The following SRGAP3 variants were observed in gnomAD, a reference collection of about 807,000 sequenced individuals.
The protein encoded by SRGAP3 is SLIT-ROBO Rho GTPase activating protein 3, also known as SLIT-ROBO Rho GTPase-activating protein 3.
A neutral mutation model predicts 121.1 loss-of-function variants in SRGAP3; 39 were observed. The ratio of observed to expected loss-of-function variants is 0.32; its 90% CI spans 0.25 to 0.42. SRGAP3 has a LOEUF of 0.42. SRGAP3 is among the 10% of genes least tolerant of loss of function. The pLI is 1.00. For synonymous variants in SRGAP3, 601 were observed against 570.0 expected (o/e 1.05, Z -0.77); for missense variants, 1,213 against 1,470.6 (o/e 0.82, Z 2.86).
intron 4 of SRGAP3, among the ~76,000 whole-genome samples, chr3:9,077,107 C>T (rs1947006954): frequency 6.6e-6 from 1 of 151,566 alleles, no homozygotes; most frequent in South Asian, 2.1e-4. Context: ...TGCTATCGCT[C>T]CCCCAGTCCC....
At chr3:9,224,492 C>T (rs914475900) in intron 1 of SRGAP3, among the ~76,000 whole-genome samples, 9 of 152,246 alleles carry the variant, frequency 5.9e-5, no homozygotes, top group South Asian at 4.1e-4. Flanking sequence ...TTCCAAATGT[C>T]GAGTAATCGT....
chr3:9,157,424 G>A lies in SRGAP3; in HGVS notation c.68-32507C>T, dbSNP rs942980321. Among the ~76,000 whole-genome samples, 11 of 152,260 alleles carry A rather than the reference G, an allele frequency of 7.2e-5. No homozygotes were observed. In the East Asian group the frequency reaches 1.5e-3, roughly 21 times the overall value. The stretch of plus-strand genomic sequence containing the variant: ...CAATTCCACGTGAGATTAGGGTGGG[G>A]ACACAGAGCCAAACCATATCAAATA... On this transcript the variant is annotated intron_variant, in intron 1 of 21. Coordinates refer to ENST00000383836, the MANE Select transcript of SRGAP3 (RefSeq NM_014850.4).
rs1941626344 is a variant in SRGAP3, at chr3:8,985,389, A to G, written c.*130T>C. The G allele has an allele frequency of 4.7e-6, 7 of 1,484,816 alleles. No homozygotes were observed. The East Asian group carries it at 1.7e-4, about 36-fold the overall frequency. 92.0% of individuals were successfully genotyped at this position (1,484,816 alleles called of 1,614,324 possible). Reference sequence around the variant, plus strand: ...CAGCGCCCGGGCCTCAGCTCTGCACAGACACACCCTCCCAGACGGACCTCT... The same window carrying G: ...CAGCGCCCGGGCCTCAGCTCTGCACGGACACACCCTCCCAGACGGACCTCT... On this transcript the variant is annotated 3_prime_UTR_variant, in exon 22 of 22. Transcript: ENST00000383836. This position sits in a 1 kb window ranked among gnomAD's most constrained non-coding sequence, Gnocchi z 5.1.
chr3:9,315,202 G>A (rs1955323907), intron 3 of SRGAP3, among the ~76,000 whole-genome samples: 2 of 152,184 alleles, frequency 1.3e-5, no homozygotes, highest in African/African-American at 4.8e-5. Context: ...ACCTCTGCCA[G>A]CAGCTTAAGG....
At chr3:9,262,963 AAT>A (rs1173708628) in intron 3 of SRGAP3, among the ~76,000 whole-genome samples, 2 of 152,154 alleles carry the variant, frequency 1.3e-5, no homozygotes, top group African/African-American at 4.8e-5. Context: ...TTGACCACAT[AAT>A]TGGAAGTAAA....
At chr3:9,342,485 CG>C (rs749658651) in intron 1 of SRGAP3, among the ~76,000 whole-genome samples, 37 of 152,208 alleles carry the variant, frequency 2.4e-4, no homozygotes, top group Admixed American at 7.2e-4. Context: ...CAAGTGTCAC[CG>C]GAACTTTTCA....
chr3:9,357,610 AAAG>A (rs2030589489), intron 1 of SRGAP3, among the ~76,000 whole-genome samples: 1 of 152,048 alleles, frequency 6.6e-6, no homozygotes, highest in African/African-American at 2.4e-5. Flanking sequence ...AAAAAAAAAA[AAAG>A]AGTATAAAAT....
At chr3:9,078,903 G>A (rs1477728761) in intron 4 of SRGAP3, among the ~76,000 whole-genome samples, 1 of 152,058 alleles carries the variant, frequency 6.6e-6, no homozygotes, top group Non-Finnish European at 1.5e-5. Context: ...TTACTGATTG[G>A]GAGACTGAGG....
At chr3:9,152,387 T>TTC (rs940418470) in intron 1 of SRGAP3, among the ~76,000 whole-genome samples, 4 of 152,056 alleles carry the variant, frequency 2.6e-5, no homozygotes, top group Admixed American at 6.6e-5. Context: ...CAGCCAATAT[T>TTC]TCTCTCTCTC....
intron 1 of SRGAP3, among the ~76,000 whole-genome samples, chr3:9,231,177 T>C (rs1037971944): frequency 2.6e-4 from 39 of 152,220 alleles, no homozygotes; most frequent in Admixed American, 2.6e-3. Flanking sequence ...CAAAAAGGGC[T>C]TTTGTCCAAG....
chr3:9,021,137 T>C lies in SRGAP3; in HGVS notation c.1678+4124A>G, dbSNP rs544067817. 1.4e-4 allele frequency among the ~76,000 whole-genome samples: 22 copies of C among 152,290 alleles called. 1 individual carries two copies. The South Asian group carries it at 3.9e-3, about 27-fold the overall frequency. On this transcript the variant is annotated intron_variant, in intron 14 of 21. Transcript: ENST00000383836. The stretch of plus-strand genomic sequence containing the variant: ...CATCTCCAGGTTCCATCCCTCTTCT[T>C]GAGGCAGGACACAGGTCTCAGAAGG...
intron 1 of SRGAP3, among the ~76,000 whole-genome samples, chr3:9,231,733 C>G (rs988139872): frequency 6.6e-6 from 1 of 152,262 alleles, no homozygotes; most frequent in East Asian, 1.9e-4. Flanking sequence ...AGCAGCATGT[C>G]CAGGGTAGGA....
chr3:9,245,141 T>C (rs1205457494), intron 1 of SRGAP3, among the ~76,000 whole-genome samples: 1 of 152,198 alleles, frequency 6.6e-6, no homozygotes, highest in East Asian at 1.9e-4. Context: ...TTTAAAAACA[T>C]AAAGCTCTCA....
intron 12 of SRGAP3, among the ~76,000 whole-genome samples, chr3:9,027,909 C>A (rs1014263487): frequency 2.0e-5 from 3 of 152,188 alleles, no homozygotes; most frequent in Non-Finnish European, 2.9e-5. Flanking sequence ...GTGAAGACAG[C>A]ATGGATTTGG....
Position 9,255,578 on chromosome 3 carries a change from C to G in SRGAP3, n.442+70432G>C, listed in dbSNP as rs143211268. Among the ~76,000 whole-genome samples the G allele has an allele frequency of 9.6e-4, 146 of 152,298 alleles. 1 individual carries two copies. The East Asian group carries it at 0.027, about 28-fold the overall frequency. ...GGCCCCTGGCTATCCCTGAACCAAT[C>G]GCTGGAGCCAGGGGTGTTCTGCTTG... On this transcript the variant is annotated intron_variant and non_coding_transcript_variant, in intron 3 of 3. Transcript: ENST00000490889.
At chr3:9,339,013 C>T (rs1955737204) in intron 1 of SRGAP3, among the ~76,000 whole-genome samples, 1 of 152,200 alleles carries the variant, frequency 6.6e-6, no homozygotes, top group Non-Finnish European at 1.5e-5. Flanking sequence ...TCAATCAATT[C>T]TGCAGGGACT....
At chr3:9,315,626 G>A (rs932212393) in intron 3 of SRGAP3, among the ~76,000 whole-genome samples, 2 of 152,164 alleles carry the variant, frequency 1.3e-5, no homozygotes, top group African/African-American at 2.4e-5. Flanking sequence ...TTCAATAATA[G>A]TCCTTGATGG....
chr3:9,027,950 G>T, intron 12 of SRGAP3: 1 of 912,972 alleles, frequency 1.1e-6, no homozygotes, highest in Non-Finnish European at 1.8e-6. Context: ...CACCCCACCT[G>T]TGAATTCTTT....
chr3:9,089,307 G>C (rs967801749), intron 3 of SRGAP3, among the ~76,000 whole-genome samples: 1 of 85,220 alleles, frequency 1.2e-5, no homozygotes, highest in African/African-American at 4.0e-5. Flanking sequence ...GGGGGGGGGG[G>C]GCTGGAGGCT....
Sources: gnomAD v4.1 joint callset for allele counts (sites outside exome capture counted in the v4.1 genomes callset) on GRCh38, gnomAD v4.1.1 for gene constraint, Gnocchi (gnomAD v3.1) non-coding constraint, MANE v1.5 for transcripts, NCBI Gene and HGNC (gene_info 2026-07-23, HGNC 2026-07-21) for gene names.